CDC14B: variants seen among roughly 807,000 people sequenced by gnomAD.
The protein encoded by CDC14B is cell division cycle 14B.
Under a neutral mutation model 64.2 loss-of-function variants are expected in CDC14B, and 22 were observed. The ratio of observed to expected loss-of-function variants is 0.34; its 90% CI spans 0.24 to 0.49. CDC14B has a LOEUF of 0.49. CDC14B is among the 20% of genes least tolerant of loss of function. The pLI is 0.99. For synonymous variants in CDC14B, 191 were observed against 215.8 expected, an observed-to-expected ratio of 0.89 and a Z score of 1.01; for missense variants, 498 against 629.9, an observed-to-expected ratio of 0.79 and a Z score of 2.24.
At chr9:96,553,729 T>A (rs1395712696) in intron 4 of CDC14B, among the ~76,000 whole-genome samples, 1 of 152,110 alleles carries the variant, frequency 6.6e-6, no homozygotes, top group Non-Finnish European at 1.5e-5. Flanking sequence ...AATCAGCCTG[T>A]TTTTTCCAAA....
At position 96,541,970 on chromosome 9, in the gene CDC14B, T is replaced by A; in HGVS notation, c.498-78A>T. 3 of 969,958 alleles carry A rather than the reference T, an allele frequency of 3.1e-6. No homozygotes were observed. The South Asian group carries it at 5.0e-5, about 16-fold the overall frequency. 60.1% of individuals were successfully genotyped at this position (969,958 alleles called of 1,614,324 possible). Reference sequence around the variant, plus strand: ...TTACCTAAGACAAAGGTGACTAGAATTTAAAATCAAATGTACACTCTGAAC... The same window carrying A: ...TTACCTAAGACAAAGGTGACTAGAAATTAAAATCAAATGTACACTCTGAAC... On this transcript the variant is annotated intron_variant, in intron 5 of 13. Transcript: ENST00000375241.
intron 5 of CDC14B, among the ~76,000 whole-genome samples, chr9:96,544,471 A>G (rs1273675567): frequency 6.6e-6 from 1 of 151,842 alleles, no homozygotes; most frequent in Admixed American, 6.6e-5. Context: ...AGCTATGCGA[A>G]CCTTCATGAG....
At chr9:96,544,598 G>A (rs756215794) in intron 5 of CDC14B, among the ~76,000 whole-genome samples, 10 of 152,214 alleles carry the variant, frequency 6.6e-5, no homozygotes, top group Middle Eastern at 3.4e-3. Context: ...GGGCTAAAGC[G>A]ATCCTCCCAC....
intron 1 of CDC14B, 50 bp downstream of exon 1, chr9:96,619,169 C>G (rs1265237042): frequency 8.2e-7 from 1 of 1,215,026 alleles, no homozygotes; most frequent in East Asian, 3.4e-5. Context: ...CAGGGCCCCG[C>G]GCCGGGTGCG....
At chr9:96,494,541 G>A (rs564224571) in intron 13 of CDC14B, among the ~76,000 whole-genome samples, 1 of 138,062 alleles carries the variant, frequency 7.2e-6, no homozygotes, top group South Asian at 2.1e-4. Context: ...GTTGCTCCTG[G>A]AAAGCTCTCT....
At chr9:96,535,269 T>G (rs761233925) in intron 7 of CDC14B, among the ~76,000 whole-genome samples, 1 of 152,050 alleles carries the variant, frequency 6.6e-6, no homozygotes. Flanking sequence ...ATTGTGCCAT[T>G]GCACTCCAGC....
At chr9:96,499,599 T>G (rs1050750455), downstream of CDC14B, among the ~76,000 whole-genome samples, 2 of 152,008 alleles carry the variant, frequency 1.3e-5, no homozygotes, top group African/African-American at 4.8e-5. Flanking sequence ...AGGAATGGCC[T>G]GGCAGCAGGA....
At chr9:96,498,971 G>A (rs1833365023), downstream of CDC14B, among the ~76,000 whole-genome samples, 1 of 152,230 alleles carries the variant, frequency 6.6e-6, no homozygotes, top group Non-Finnish European at 1.5e-5. Flanking sequence ...AGCCCCCCAG[G>A]AGGAACAGAC....
At chr9:96,549,338 C>T (rs1227756491) in intron 5 of CDC14B, among the ~76,000 whole-genome samples, 2 of 152,178 alleles carry the variant, frequency 1.3e-5, no homozygotes, top group Non-Finnish European at 2.9e-5. Context: ...TTCTCAACTT[C>T]TGTATTTATC....
chr9:96,522,096 A>C (rs889531935), intron 12 of CDC14B, among the ~76,000 whole-genome samples: 3 of 152,256 alleles, frequency 2.0e-5, no homozygotes, highest in Non-Finnish European at 2.9e-5. Flanking sequence ...TGTTGCCCCA[A>C]AACAACATAA....
chr9:96,497,465 T>C (rs1833303972), downstream of CDC14B, among the ~76,000 whole-genome samples: 1 of 152,174 alleles, frequency 6.6e-6, no homozygotes, highest in African/African-American at 2.4e-5. Context: ...CGCCAACCGC[T>C]TGGAAGACAA....
At chr9:96,615,899 T>C (rs931681550) in intron 1 of CDC14B, among the ~76,000 whole-genome samples, 11 of 152,286 alleles carry the variant, frequency 7.2e-5, no homozygotes, top group Middle Eastern at 6.8e-3. Flanking sequence ...ATAGATATAG[T>C]CACACATATA....
intron 12 of CDC14B, among the ~76,000 whole-genome samples, chr9:96,520,854 G>A (rs1028293572): frequency 7.1e-5 from 8 of 112,038 alleles, no homozygotes; most frequent in Admixed American, 2.6e-4. Flanking sequence ...ACAAGCGCCC[G>A]GGTGCCTCCT....
At chr9:96,571,728 G>A (rs562649914) in intron 1 of CDC14B, among the ~76,000 whole-genome samples, 10 of 152,182 alleles carry the variant, frequency 6.6e-5, no homozygotes, top group African/African-American at 1.7e-4. Flanking sequence ...TATGCTGGGC[G>A]CTGTGGACCT....
At chr9:96,543,013 A>ACAAAAAG (rs2131884870) in intron 5 of CDC14B, among the ~76,000 whole-genome samples, 1 of 148,462 alleles carries the variant, frequency 6.7e-6, no homozygotes, top group African/African-American at 2.5e-5. Flanking sequence ...ATCTCAAAAA[A>ACAAAAAG]CAAAAAACAA....
exon 14 of CDC14B, chr9:96,491,869 C>T (rs1029115960): frequency 6.6e-6 from 1 of 152,310 alleles, no homozygotes; most frequent in African/African-American, 2.4e-5. Flanking sequence ...CTTACCAGGG[C>T]TAGCTCTCGC....
chr9:96,543,985 G>A (rs761248505), intron 5 of CDC14B, among the ~76,000 whole-genome samples: 13 of 152,162 alleles, frequency 8.5e-5, no homozygotes, highest in African/African-American at 2.4e-4. Flanking sequence ...TTGGGAGGCC[G>A]AGGCAGGTGG....
chr9:96,540,238 A>T (rs1292969316), intron 6 of CDC14B, among the ~76,000 whole-genome samples: 1 of 152,244 alleles, frequency 6.6e-6, no homozygotes, highest in East Asian at 1.9e-4. Flanking sequence ...TGAAAACATA[A>T]TTACATTGAT....
intron 1 of CDC14B, among the ~76,000 whole-genome samples, chr9:96,585,848 G>T (rs1845427695): frequency 6.6e-6 from 1 of 152,114 alleles, no homozygotes; most frequent in Admixed American, 6.6e-5. Context: ...AAAACTGAAA[G>T]CAACCCAAAT....
Sources: gnomAD v4.1 joint callset for allele counts (sites outside exome capture counted in the v4.1 genomes callset) on GRCh38, gnomAD v4.1.1 for gene constraint, MANE v1.5 for transcripts, NCBI Gene and HGNC (gene_info 2026-07-23, HGNC 2026-07-21) for gene names.